Variants in BACE2 observed in about 807,000 individuals in gnomAD.
The protein encoded by BACE2 is beta-secretase 2, also known as 56 kDa aspartic-like protease.
BACE2 carries 17 observed loss-of-function variants against 46.2 expected under a neutral mutation model. The observed-to-expected ratio is 0.37, with a 90% CI of 0.25 to 0.55. The LOEUF is 0.55. Ranked by LOEUF, BACE2 falls within the 20% of genes least tolerant of loss-of-function variation. BACE2 has a pLI of 0.82. For synonymous variants in BACE2, 277 were observed against 295.9 expected (o/e 0.94, Z 0.66); for missense variants, 595 against 698.1 (o/e 0.85, Z 1.66).
chr21:41,227,672 C>T (rs1264333169), intron 2 of BACE2, among the ~76,000 whole-genome samples: 1 of 152,320 alleles, frequency 6.6e-6, no homozygotes, highest in Admixed American at 6.5e-5. Context: ...TGGCCCCTCC[C>T]TCAAGGAACC....
intron 1 of BACE2, among the ~76,000 whole-genome samples, chr21:41,201,515 C>T (rs537000480): frequency 4.6e-5 from 7 of 152,364 alleles, no homozygotes; most frequent in Admixed American, 4.6e-4. Context: ...ACCTATGAGG[C>T]TTTCAGCTGT....
chr21:41,237,078 T>C (rs946387258), intron 2 of BACE2, among the ~76,000 whole-genome samples: 1 of 152,196 alleles, frequency 6.6e-6, no homozygotes, highest in African/African-American at 2.4e-5. Flanking sequence ...TACAGTAGAC[T>C]TTCTGTGTTT....
intron 1 of BACE2, among the ~76,000 whole-genome samples, chr21:41,205,270 G>A (rs1475883891): frequency 6.6e-6 from 1 of 152,162 alleles, no homozygotes; most frequent in Non-Finnish European, 1.5e-5. Context: ...GCTAAGAAGT[G>A]TTTGCACCTT....
intron 1 of BACE2, among the ~76,000 whole-genome samples, chr21:41,196,163 T>G (rs1985724118): frequency 6.6e-6 from 1 of 151,998 alleles, no homozygotes; most frequent in South Asian, 2.1e-4. Flanking sequence ...CCAGGCATGG[T>G]GGTCCATGCC....
Position 41,224,690 on chromosome 21 carries a change from G to A in BACE2, c.313-1576G>A, listed in dbSNP as rs920087957. On this transcript the variant is annotated intron_variant, in intron 1 of 8. Coordinates refer to ENST00000330333, the MANE Select transcript of BACE2 (RefSeq NM_012105.5). The stretch of plus-strand genomic sequence containing the variant: ...TGAGACATCGTTCACTGGGGAAGAT[G>A]AGTGAAACAGTGGGATACAGGGCAA... Among the ~76,000 whole-genome samples, 7 of 152,218 alleles carry A rather than the reference G, an allele frequency of 4.6e-5. No homozygotes were observed. In the South Asian group the frequency reaches 8.3e-4, roughly 18 times the overall value.
At chr21:41,275,116 G>C (rs996166672) in intron 8 of BACE2, among the ~76,000 whole-genome samples, 1 of 152,120 alleles carries the variant, frequency 6.6e-6, no homozygotes, top group African/African-American at 2.4e-5. Flanking sequence ...TATGTGCCCT[G>C]CTGCAGTTCC....
intron 1 of BACE2, among the ~76,000 whole-genome samples, chr21:41,188,729 A>C (rs1418834254): frequency 6.6e-6 from 1 of 152,254 alleles, no homozygotes; most frequent in Admixed American, 6.5e-5. Context: ...GAGAAACCTT[A>C]GAAGCCTTCC....
chr21:41,209,919 G>A (rs1986245791), intron 1 of BACE2, among the ~76,000 whole-genome samples: 1 of 152,160 alleles, frequency 6.6e-6, no homozygotes, highest in African/African-American at 2.4e-5. Flanking sequence ...TCTCCCCGTT[G>A]TAGAAATGTG....
intron 1 of BACE2, among the ~76,000 whole-genome samples, chr21:41,211,897 A>C (rs1986313925): frequency 6.6e-6 from 1 of 152,234 alleles, no homozygotes; most frequent in Non-Finnish European, 1.5e-5. Context: ...CAGTGCATCA[A>C]CCAGAGATTA....
At chr21:41,178,948 G>A (rs1031672950) in intron 1 of BACE2, 21 of 466,266 alleles carry the variant, frequency 4.5e-5, no homozygotes, top group South Asian at 3.6e-4. Context: ...TTATAAGGGC[G>A]GTTATGGAAG....
chr21:41,259,033 T>C (rs189233421), intron 8 of BACE2, among the ~76,000 whole-genome samples: 2 of 152,356 alleles, frequency 1.3e-5, no homozygotes, highest in East Asian at 3.9e-4. Flanking sequence ...CAATTTCTGT[T>C]CTCTCATTAA....
At chr21:41,239,222 C>T (rs1175448107) in intron 3 of BACE2, among the ~76,000 whole-genome samples, 1 of 152,076 alleles carries the variant, frequency 6.6e-6, no homozygotes, top group Non-Finnish European at 1.5e-5. Flanking sequence ...AGTTTACAGC[C>T]CTTGGCCCCT....
chr21:41,270,440 TG>T (rs1466483010), intron 8 of BACE2, among the ~76,000 whole-genome samples: 1 of 152,130 alleles, frequency 6.6e-6, no homozygotes, highest in African/African-American at 2.4e-5. Flanking sequence ...ATAATGGAGA[TG>T]GGGTCTTGCT....
rs373576772 is a variant in BACE2 at position 41,250,721 on chromosome 21, A to G, written c.985-31A>G. 1.3e-5 allele frequency: 21 copies of G among 1,611,688 alleles called. No homozygotes were observed. In the African/African-American group the frequency reaches 1.3e-4, roughly 10 times the overall value. ...TTCCTGTTGACGTGCCAGACTAGTC[A>G]TGGTTTCTGATGTGATCTTGTTTTG... On this transcript the variant is annotated intron_variant, in intron 6 of 8. Transcript: ENST00000330333.
intron 2 of BACE2, among the ~76,000 whole-genome samples, chr21:41,231,575 G>A (rs987866408): frequency 2.6e-4 from 39 of 152,088 alleles, no homozygotes; most frequent in African/African-American, 8.0e-4. Flanking sequence ...ATAATAAAAC[G>A]TTCTGTAGCT....
chr21:41,190,863 T>G (rs1985547052), intron 1 of BACE2, among the ~76,000 whole-genome samples: 1 of 152,158 alleles, frequency 6.6e-6, no homozygotes, highest in Admixed American at 6.5e-5. Context: ...CAACTGTAAC[T>G]CCCATCTTAG....
Position 41,250,881 on chromosome 21 carries a change from C to A in BACE2, c.1114C>A (p.Arg372Ser). Residue 372 changes from arginine (R) to serine (S), a missense_variant, in exon 7 of 9, where the codon CGT becomes AGT. This residue lies in a region of BACE2 where 343 missense variants were observed against 419.4 expected (regional missense o/e 0.82). Coordinates refer to ENST00000330333, the MANE Select transcript of BACE2 (RefSeq NM_012105.5). ...LRDENSSRSF[R>S]ITILPQLYIQ... is the part of the protein sequence containing the mutation. ...AGACGAGAACTCCAGCAGGTCATTC[C>A]GTATCACAATCCTGCCTCAGGTATG... is the stretch of plus-strand genomic sequence containing the variant. 4 of 1,614,086 alleles carry A rather than the reference C, an allele frequency of 2.5e-6. No individual in the cohort carries two copies. The highest frequency in any genetic ancestry group is 3.4e-6 in the Non-Finnish European group (4 of 1,179,996).
At chr21:41,211,086 G>A (rs1047501569) in intron 1 of BACE2, among the ~76,000 whole-genome samples, 1 of 151,602 alleles carries the variant, frequency 6.6e-6, no homozygotes, top group East Asian at 1.9e-4. Flanking sequence ...TTTTTTTTAA[G>A]TGAACACTGC....
At chr21:41,195,018 A>G (rs992863397) in intron 1 of BACE2, among the ~76,000 whole-genome samples, 2 of 152,234 alleles carry the variant, frequency 1.3e-5, no homozygotes, top group African/African-American at 2.4e-5. Flanking sequence ...CTTCACCATG[A>G]GAAGAGCACC....
Sources: allele counts gnomAD v4.1 joint callset (sites outside exome capture counted in the v4.1 genomes callset), GRCh38; gene constraint gnomAD v4.1.1; regional missense constraint gnomAD v4.1.1; transcripts MANE v1.5; gene names NCBI Gene and HGNC (gene_info 2026-07-23, HGNC 2026-07-21).